The following RTL9 variants were observed in gnomAD, a reference collection of about 807,000 sequenced individuals.
RTL9 encodes retrotransposon Gag like 9, also known as retrotransposon Gag-like protein 9.
Under a neutral mutation model 44.7 loss-of-function variants are expected in RTL9, and 19 were observed. The ratio of observed to expected loss-of-function variants is 0.42; its 90% CI spans 0.30 to 0.62. The LOEUF (loss-of-function observed/expected upper bound fraction) is 0.62. Among genes scored for constraint, RTL9 ranks in the 20% least tolerant of loss-of-function variants. RTL9 has a pLI of 0.16. For missense variants in RTL9, 1,105 were observed against 1,080.6 expected (o/e 1.02, Z -0.32); for synonymous variants, 407 against 398.9 (o/e 1.02, Z -0.24).
chrX:110,429,698 T>C (rs2068783356), intron 1 of RTL9, among the ~76,000 whole-genome samples: 1 of 110,523 alleles, frequency 9.0e-6, no homozygotes, highest in Admixed American at 9.6e-5. Flanking sequence ...GCCAGGCTGG[T>C]CTTGAACTCC....
chrX:110,386,975 T>C (rs1211690701), intron 1 of RTL9, among the ~76,000 whole-genome samples: 1 of 112,353 alleles, frequency 8.9e-6, no homozygotes, highest in Non-Finnish European at 1.9e-5. Flanking sequence ...ATATGATTAA[T>C]TTCCAAATGA....
At chrX:110,441,588 GA>G (rs2068880344) in intron 1 of RTL9, among the ~76,000 whole-genome samples, 2 of 112,208 alleles carry the variant, frequency 1.8e-5, no homozygotes, top group African/African-American at 6.5e-5. Flanking sequence ...TTGGATTTTA[GA>G]AAAGCAATGT....
intron 1 of RTL9, among the ~76,000 whole-genome samples, chrX:110,362,149 A>G (rs943472530): frequency 1.3e-4 from 14 of 111,980 alleles, no homozygotes; most frequent in Admixed American, 6.7e-4. Flanking sequence ...AAAAATATAT[A>G]TATATAACAG....
exon 1 of RTL9, chrX:110,453,208 G>C: frequency 2.5e-6 from 3 of 1,211,616 alleles, no homozygotes; most frequent in African/African-American, 1.7e-5. Flanking sequence ...CCACTGATGA[G>C]AGCCCCAGAC....
chrX:110,421,238 C>T (rs2068715077), intron 1 of RTL9, among the ~76,000 whole-genome samples: 1 of 112,533 alleles, frequency 8.9e-6, no homozygotes, highest in African/African-American at 3.2e-5. Flanking sequence ...TTTTCATGCA[C>T]TTGGACTTTG....
chrX:110,450,195 G>C (rs1157952026), upstream of RTL9, among the ~76,000 whole-genome samples: 1 of 111,204 alleles, frequency 9.0e-6, no homozygotes, highest in Non-Finnish European at 1.9e-5. Flanking sequence ...CAGTACCTTG[G>C]CTGGCTTGTG....
Position 110,405,868 on chromosome X carries a change from G to T in RTL9, c.-167-39285G>T, listed in dbSNP as rs145472533. ...TCTGAACCATGGTGTGCAAGTCCTT[G>T]TAAAGTCAAACAGTCTCTTTAATAA... On this transcript the variant is annotated intron_variant, in intron 1 of 2. Transcript: ENST00000520821. Among the ~76,000 whole-genome samples, 329 of 111,653 alleles carry T rather than the reference G, an allele frequency of 2.9e-3. 3 individuals are homozygous for T. In the East Asian group the frequency reaches 0.03, roughly 10 times the overall value.
chrX:110,359,941 A>G (rs2068252331), intron 1 of RTL9, among the ~76,000 whole-genome samples: 1 of 111,811 alleles, frequency 8.9e-6, no homozygotes, highest in Non-Finnish European at 1.9e-5. Flanking sequence ...CACTTTCCAA[A>G]CTCTGGGAAT....
At chrX:110,403,780 C>T (rs778421362) in intron 1 of RTL9, among the ~76,000 whole-genome samples, 67 of 112,459 alleles carry the variant, frequency 6.0e-4, no homozygotes, top group African/African-American at 1.2e-3. Flanking sequence ...TGTGAATATT[C>T]ATGTGTTTTT....
intron 1 of RTL9, among the ~76,000 whole-genome samples, chrX:110,383,186 A>G (rs1239554168): frequency 9.0e-6 from 1 of 111,616 alleles, no homozygotes; most frequent in African/African-American, 3.3e-5. Flanking sequence ...AGATTGGAGA[A>G]GGCTATCTGT....
chrX:110,422,400 G>T (rs1280516460), intron 1 of RTL9, among the ~76,000 whole-genome samples: 1 of 112,647 alleles, frequency 8.9e-6, no homozygotes, highest in African/African-American at 3.2e-5. Context: ...TGGCAGAGAA[G>T]AATAAGTTTG....
intron 1 of RTL9, among the ~76,000 whole-genome samples, chrX:110,437,650 A>G (rs2068848615): frequency 9.0e-6 from 1 of 110,884 alleles, no homozygotes; most frequent in Non-Finnish European, 1.9e-5. Flanking sequence ...GAAGTGAATC[A>G]CTGTATCTAC....
intron 1 of RTL9, among the ~76,000 whole-genome samples, chrX:110,436,095 C>T (rs1018932128): frequency 8.9e-6 from 1 of 112,559 alleles, no homozygotes; most frequent in Non-Finnish European, 1.9e-5. Context: ...AATCGCTGTG[C>T]GTTTTGCACC....
exon 1 of RTL9, chrX:110,453,856 G>C: frequency 2.5e-6 from 3 of 1,211,862 alleles, no homozygotes; most frequent in Non-Finnish European, 3.4e-6. Flanking sequence ...TCAGGCCCTG[G>C]AACAATGTCC....
At chrX:110,432,255 TCTC>T (rs1435815874) in intron 1 of RTL9, among the ~76,000 whole-genome samples, 2 of 112,285 alleles carry the variant, frequency 1.8e-5, no homozygotes, top group Non-Finnish European at 3.8e-5. Context: ...TTCCATTTCA[TCTC>T]CTCCTCTCTA....
chrX:110,384,080 T>C (rs967849364), intron 1 of RTL9, among the ~76,000 whole-genome samples: 1 of 112,254 alleles, frequency 8.9e-6, no homozygotes, highest in Admixed American at 9.4e-5. Context: ...TTATCGTATA[T>C]ATAACCTACT....
intron 1 of RTL9, among the ~76,000 whole-genome samples, chrX:110,434,285 G>C (rs1452425059): frequency 9.0e-6 from 1 of 111,709 alleles, no homozygotes; most frequent in Non-Finnish European, 1.9e-5. Context: ...GTTTTGTTCT[G>C]TGAGCAAGAG....
intron 1 of RTL9, among the ~76,000 whole-genome samples, chrX:110,413,062 C>G (rs1415105743): frequency 9.0e-6 from 1 of 111,662 alleles, no homozygotes; most frequent in Non-Finnish European, 1.9e-5. Context: ...AAACGTTAAG[C>G]CTCCCTGCTC....
intron 1 of RTL9, chrX:110,419,149 T>C (rs1231485937): frequency 8.9e-6 from 1 of 112,242 alleles, no homozygotes; most frequent in East Asian, 2.8e-4. Flanking sequence ...AGTCCATTCA[T>C]CTCTCTGGGC....
Sources: gnomAD v4.1 joint callset for allele counts (sites outside exome capture counted in the v4.1 genomes callset) on GRCh38, gnomAD v4.1.1 for gene constraint, MANE v1.5 for transcripts, NCBI Gene and HGNC (gene_info 2026-07-23, HGNC 2026-07-21) for gene names.